The following PDE1C variants were observed in gnomAD, a reference collection of about 807,000 sequenced individuals.
PDE1C encodes phosphodiesterase 1C.
Under a neutral mutation model 93.1 loss-of-function variants are expected in PDE1C, and 62 were observed. The observed-to-expected ratio is 0.67, with a 90% CI of 0.54 to 0.82. The LOEUF (loss-of-function observed/expected upper bound fraction) is 0.82, where lower values mean the gene tolerates loss of function less well. Ranked by LOEUF, PDE1C falls within the 40% of genes least tolerant of loss-of-function variation. PDE1C has a pLI of 0.00. For missense variants in PDE1C, 742 were observed against 884.6 expected (o/e 0.84, Z 2.04); for synonymous variants, 325 against 310.1 (o/e 1.05, Z -0.50).
intron 1 of PDE1C, among the ~76,000 whole-genome samples, chr7:32,068,062 T>C (rs991929800): frequency 1.3e-5 from 2 of 152,198 alleles, no homozygotes; most frequent in African/African-American, 4.8e-5. Context: ...AAGTGAGATG[T>C]CTCTCAGACA....
At chr7:32,265,762 T>C (rs1810527040) in intron 1 of PDE1C, among the ~76,000 whole-genome samples, 1 of 152,166 alleles carries the variant, frequency 6.6e-6, no homozygotes, top group African/African-American at 2.4e-5. Flanking sequence ...GTGTGTCAGA[T>C]TGGTAGCTGT....
chr7:32,134,240 G>T (rs181996329), intron 3 of PDE1C, among the ~76,000 whole-genome samples: 19 of 152,152 alleles, frequency 1.2e-4, no homozygotes, highest in Admixed American at 2.0e-4. Flanking sequence ...TAATAAAAAA[G>T]ATGCCCCAAA....
At chr7:31,768,773 T>G (rs1304216251) in intron 17 of PDE1C, among the ~76,000 whole-genome samples, 1 of 152,152 alleles carries the variant, frequency 6.6e-6, no homozygotes, top group Admixed American at 6.5e-5. Flanking sequence ...GGGTTCACTT[T>G]TCTTCTTGTT....
At chr7:32,314,230 G>A (rs993082423) in intron 1 of PDE1C, among the ~76,000 whole-genome samples, 32 of 152,014 alleles carry the variant, frequency 2.1e-4, no homozygotes, top group Non-Finnish European at 4.3e-4. Context: ...TTACTGAGGA[G>A]GTGAAAATTG....
At chr7:31,875,682 C>T (rs1365515835) in intron 5 of PDE1C, among the ~76,000 whole-genome samples, 3 of 150,930 alleles carry the variant, frequency 2.0e-5, no homozygotes, top group Non-Finnish European at 4.4e-5. Flanking sequence ...CAAGGTGTCA[C>T]TTCCTGAGTC....
At chr7:32,373,833 C>T (rs1314715607) in intron 1 of PDE1C, among the ~76,000 whole-genome samples, 2 of 152,100 alleles carry the variant, frequency 1.3e-5, no homozygotes, top group East Asian at 3.9e-4. Flanking sequence ...TCTAAAAATA[C>T]AGAAATTAGC....
intron 1 of PDE1C, among the ~76,000 whole-genome samples, chr7:32,244,560 A>G (rs1808778737): frequency 6.6e-6 from 1 of 152,144 alleles, no homozygotes; most frequent in African/African-American, 2.4e-5. Context: ...TGGCTCTCTC[A>G]ATCTTGGGCA....
intron 1 of PDE1C, among the ~76,000 whole-genome samples, chr7:32,314,715 T>C (rs1224196172): frequency 6.6e-6 from 1 of 152,104 alleles, no homozygotes; most frequent in African/African-American, 2.4e-5. Flanking sequence ...CTCAGTGGCA[T>C]CCTTGGCAAC....
intron 3 of PDE1C, among the ~76,000 whole-genome samples, chr7:32,110,558 A>G (rs1253382088): frequency 6.6e-6 from 1 of 152,210 alleles, no homozygotes; most frequent in Non-Finnish European, 1.5e-5. Flanking sequence ...CCAATGAATC[A>G]TCATCCCTCA....
intron 2 of PDE1C, among the ~76,000 whole-genome samples, chr7:31,960,385 A>C (rs1037935748): frequency 1.2e-4 from 18 of 152,328 alleles, no homozygotes; most frequent in African/African-American, 4.3e-4. Flanking sequence ...AATTTCTGAC[A>C]AACCAAAGTT....
At chr7:32,389,857 A>AG (rs1285309402) in intron 1 of PDE1C, among the ~76,000 whole-genome samples, 19 of 152,288 alleles carry the variant, frequency 1.2e-4, no homozygotes, top group African/African-American at 4.6e-4. Flanking sequence ...TTTTTGAAAA[A>AG]CTTGTCTAAA....
chr7:32,267,586 A>ACTCTCTCTCTCTCTCTCT lies in PDE1C; in HGVS notation c.85+31047_85+31064dup, dbSNP rs57210713. 2.5e-3 allele frequency among the ~76,000 whole-genome samples: 292 copies of ACTCTCTCTCTCTCTCTCT among 117,524 alleles called. 7 individuals carry two copies. The highest frequency in any genetic ancestry group is 9.3e-3 in the African/African-American group (273 of 29,378). The allele number at this position is 117,524 out of a possible 152,430, so 77.1% of individuals were successfully genotyped here. On this transcript the variant is annotated intron_variant, in intron 1 of 18. Coordinates refer to the PDE1C transcript ENST00000396193. ...TTCTCTCTCTCTCACACACACACAC[A>ACTCTCTCTCTCTCTCTCT]CTCTCTCTCTCTCTCTCTCTCTCTC...
chr7:32,034,373 C>A (rs770241606), intron 2 of PDE1C, among the ~76,000 whole-genome samples: 6 of 152,044 alleles, frequency 3.9e-5, no homozygotes, highest in Non-Finnish European at 8.8e-5. Context: ...ATAAATCTCA[C>A]AAGAATGAAG....
At chr7:32,237,560 C>T (rs920542969) in intron 1 of PDE1C, among the ~76,000 whole-genome samples, 12 of 151,234 alleles carry the variant, frequency 7.9e-5, no homozygotes, top group Non-Finnish European at 1.8e-4. Flanking sequence ...AATAATTCTA[C>T]ATTAATTTAA....
chr7:32,162,310 C>A (rs1293594320), intron 3 of PDE1C, among the ~76,000 whole-genome samples: 1 of 152,070 alleles, frequency 6.6e-6, no homozygotes, highest in Non-Finnish European at 1.5e-5. Context: ...AATATCCAGG[C>A]CAGTAGCATT....
intron 2 of PDE1C, among the ~76,000 whole-genome samples, chr7:31,918,999 C>A (rs1802279789): frequency 6.6e-6 from 1 of 152,140 alleles, no homozygotes; most frequent in Non-Finnish European, 1.5e-5. Context: ...AGGTTACGTG[C>A]AAATAATAAT....
chr7:32,070,262 T>C (rs1795877495), intron 1 of PDE1C, 31 bp downstream of exon 1: 5 of 1,613,344 alleles, frequency 3.1e-6, no homozygotes, highest in Non-Finnish European at 4.2e-6. Flanking sequence ...GAGCGGGAAA[T>C]GGGGCAGGAG....
intron 1 of PDE1C, among the ~76,000 whole-genome samples, chr7:32,251,528 C>T (rs1809378313): frequency 6.6e-6 from 1 of 152,128 alleles, no homozygotes; most frequent in South Asian, 2.1e-4. Flanking sequence ...CAGGATGATC[C>T]TAGTCCCTGT....
chr7:32,331,400 C>CA, intron 1 of PDE1C, among the ~76,000 whole-genome samples: 1 of 152,020 alleles, frequency 6.6e-6, no homozygotes, highest in Non-Finnish European at 1.5e-5. Flanking sequence ...GACAGACATG[C>CA]AAAAAAGACA....
Sources: gnomAD v4.1 joint callset for allele counts (sites outside exome capture counted in the v4.1 genomes callset) on GRCh38, gnomAD v4.1.1 for gene constraint, MANE v1.5 for transcripts, NCBI Gene and HGNC (gene_info 2026-07-23, HGNC 2026-07-21) for gene names.